Variants in USP36 observed in about 807,000 individuals in gnomAD.
USP36 encodes ubiquitin specific peptidase 36, also known as ubiquitin carboxyl-terminal hydrolase 36.
In USP36, 59 loss-of-function variants were observed where a neutral mutation model predicts 111.5. The observed-to-expected ratio is 0.53, with a 90% CI of 0.43 to 0.66. The LOEUF is 0.66. USP36 is among the 30% of genes least tolerant of loss of function. The pLI is 0.00. For synonymous variants in USP36, 628 were observed against 581.0 expected (o/e 1.08, Z -1.16); for missense variants, 1,488 against 1,468.0 (o/e 1.01, Z -0.22).
intron 17 of USP36, among the ~76,000 whole-genome samples, chr17:78,800,433 C>T (rs973601507): frequency 4.6e-5 from 7 of 152,238 alleles, no homozygotes; most frequent in East Asian, 1.9e-4. Flanking sequence ...CCACCCTCAT[C>T]GGGTTCTAGA....
At chr17:78,811,130 CAAAAAAA>C (rs969048033) in intron 13 of USP36, among the ~76,000 whole-genome samples, 5 of 28,350 alleles carry the variant, frequency 1.8e-4, no homozygotes, top group Non-Finnish European at 3.7e-4. Context: ...GACTCTGTCT[CAAAAAAA>C]AAAAAAAAAA....
chr17:78,814,505 C>T lies in USP36; in HGVS notation c.1071G>A (p.Gln357=). The T allele has an allele frequency of 6.2e-7, 1 of 1,614,178 alleles. No homozygotes were observed. Among genetic ancestry groups the T allele is most frequent in the Non-Finnish European group, 8.5e-7 (1 of 1,180,012 alleles). The change falls in exon 11 of 21, where the codon CAG becomes CAA. Residue 357 remains glutamine (Q), a synonymous_variant. Coordinates refer to ENST00000449938, the MANE Select transcript of USP36 (RefSeq NM_001385174.1). ...EFLNIRPYMS[Q]NNGDPVMYGL... ...CATACATGACAGGATCACCATTATT[C>T]TGGGACATATACGGACGTATGTTGA...
downstream of USP36, among the ~76,000 whole-genome samples, chr17:78,794,396 C>T (rs774713424): frequency 6.6e-6 from 1 of 152,172 alleles, no homozygotes; most frequent in African/African-American, 2.4e-5. Flanking sequence ...GTCCTGCTGG[C>T]CAGCTCCCAC....
chr17:78,839,311 C>A (rs2145702264), intron 1 of USP36, among the ~76,000 whole-genome samples: 1 of 152,192 alleles, frequency 6.6e-6, no homozygotes, highest in East Asian at 1.9e-4. Context: ...TACATCTGAC[C>A]CATCCTGAGT....
intron 6 of USP36, among the ~76,000 whole-genome samples, chr17:78,824,363 C>T (rs910174954): frequency 9.2e-5 from 14 of 152,092 alleles, no homozygotes; most frequent in African/African-American, 3.4e-4. Flanking sequence ...CAGTGAGGAG[C>T]GAGGAAAACA....
At chr17:78,818,964 C>T in intron 9 of USP36, 186 bp from the exon 10 acceptor site, 1 of 558,092 alleles carries the variant, frequency 1.8e-6, no homozygotes. Context: ...AAAGCTACCA[C>T]AGGGAAATAA....
chr17:78,799,665 A>T lies in USP36; in HGVS notation c.3124+2T>A, dbSNP rs779822963. The T allele has an allele frequency of 5.6e-6, 9 of 1,611,374 alleles. No individual in the cohort carries two copies. The highest frequency in any genetic ancestry group is 7.6e-6 in the Non-Finnish European group (9 of 1,179,044). ...ACAGAAGTCCTGTCTCCAAATCAGT[A>T]CCTTTTCTCCCGTAAGCTTTATCAG... On this transcript the variant is annotated splice_donor_variant, in intron 18 of 20. Transcript: ENST00000449938. LOFTEE classifies it high-confidence loss of function.
At chr17:78,835,689 G>A (rs1485405815) in intron 3 of USP36, among the ~76,000 whole-genome samples, 188 bp from the exon 4 acceptor site, 2 of 152,122 alleles carry the variant, frequency 1.3e-5, no homozygotes, top group Non-Finnish European at 2.9e-5. Context: ...GCCATCCCAC[G>A]GACCTCCTAG....
chr17:78,810,435 G>A (rs899262651), intron 13 of USP36, among the ~76,000 whole-genome samples: 2 of 152,090 alleles, frequency 1.3e-5, no homozygotes, highest in African/African-American at 2.4e-5. Context: ...ATACAGGCAC[G>A]TGCCATTAAA....
At chr17:78,836,472 C>G in intron 2 of USP36, 100 bp from the exon 3 acceptor site, 1 of 1,448,588 alleles carries the variant, frequency 6.9e-7, no homozygotes, top group South Asian at 1.4e-5. Flanking sequence ...TGCTAGCCAC[C>G]ACAAAAGCTC....
chr17:78,792,837 G>C (rs1001473181), downstream of USP36, among the ~76,000 whole-genome samples: 3 of 152,112 alleles, frequency 2.0e-5, no homozygotes, highest in African/African-American at 7.2e-5. Context: ...TCCTGCCTCA[G>C]CCTCCCAAGT....
intron 13 of USP36, among the ~76,000 whole-genome samples, chr17:78,808,011 A>G (rs565919883): frequency 6.8e-4 from 103 of 152,312 alleles, no homozygotes; most frequent in African/African-American, 2.4e-3. Context: ...GCCTGAATAC[A>G]TATCTTTATG....
rs200912475 is a variant in USP36, at chr17:78,815,828, CATAT to C, written c.1024-1280_1024-1277del. ...CATACATCGTATACACACATGCACACATATATACATACACACACACATATGCATG... is the reference window on the plus strand; with the variant it reads ...CATACATCGTATACACACATGCACACATACATACACACACACATATGCATG... On this transcript the variant is annotated intron_variant, in intron 10 of 20. Coordinates refer to ENST00000449938, the MANE Select transcript of USP36 (RefSeq NM_001385174.1). Among the ~76,000 whole-genome samples the C allele has an allele frequency of 7.5e-5, 11 of 147,632 alleles. 1 individual carries two copies. The East Asian group carries it at 1.4e-3, about 19-fold the overall frequency.
chr17:78,808,091 A>G (rs1264380955), intron 13 of USP36, among the ~76,000 whole-genome samples: 1 of 152,222 alleles, frequency 6.6e-6, no homozygotes, highest in Non-Finnish European at 1.5e-5. Context: ...AAAGGAAGAA[A>G]TTTAGCAAAG....
At chr17:78,822,798 TG>T (rs2094361424) in intron 6 of USP36, among the ~76,000 whole-genome samples, 1 of 152,210 alleles carries the variant, frequency 6.6e-6, no homozygotes, top group South Asian at 2.1e-4. Flanking sequence ...CTCACTGCTC[TG>T]GAACTGCCTT....
chr17:78,827,399 G>A, intron 5 of USP36, 52 bp from the exon 6 acceptor site: 1 of 1,539,498 alleles, frequency 6.5e-7, no homozygotes, highest in East Asian at 2.3e-5. Context: ...TCATCAAACG[G>A]CCTGCGGCTG....
In USP36 at chr17:78,811,087, C is replaced by T. The variant is rs928628642; in HGVS notation, c.1407+1773G>A. ...CAGAGGCTGCAGTGAGCTGAGATGG[C>T]GCCACTGCACTCCAGCCTCAGTGAC... On this transcript the variant is annotated intron_variant, in intron 13 of 20. Transcript: ENST00000449938. Among the ~76,000 whole-genome samples, 4 of 144,840 alleles carry T rather than the reference C, an allele frequency of 2.8e-5. No individual in the cohort carries two copies. The East Asian group carries it at 8.4e-4, about 30-fold the overall frequency.
Position 78,835,473 on chromosome 17 carries a change from A to C in USP36, c.282T>G (p.Gly94=). The C allele has an allele frequency of 6.2e-7, 1 of 1,609,390 alleles. No individual in the cohort carries two copies. The highest frequency in any genetic ancestry group is 8.5e-7 in the Non-Finnish European group (1 of 1,177,650). The change falls in exon 4 of 21, where the codon GGT becomes GGG. Residue 94 remains glycine, a synonymous_variant. Coordinates refer to ENST00000449938, the MANE Select transcript of USP36 (RefSeq NM_001385174.1). The part of the protein sequence containing the change: ...QGSEHTYESC[G]DGVPAPQKVL... ...CTTTCTGCGGGGCTGGGACTCCGTC[A>C]CCACAGCTCTCATACGTGTGCTCAC...
rs2068542948 is a variant in USP36, at chr17:78,835,163, C to T, written c.475+117G>A. 17 of 1,057,852 alleles carry T rather than the reference C, an allele frequency of 1.6e-5. No homozygotes were observed. The South Asian group carries it at 2.2e-4, about 13-fold the overall frequency. The allele number at this position is 1,057,852 out of a possible 1,614,324, so 65.5% of individuals were successfully genotyped here. On this transcript the variant is annotated intron_variant, in intron 4 of 20. Coordinates refer to ENST00000449938, the MANE Select transcript of USP36 (RefSeq NM_001385174.1). ...AATTTAGGTTTCATCAGTTACTATACATTATGAACTACCCTCCTAAATTTG... is the reference window on the plus strand; with the variant it reads ...AATTTAGGTTTCATCAGTTACTATATATTATGAACTACCCTCCTAAATTTG...
Sources: allele counts gnomAD v4.1 joint callset (sites outside exome capture counted in the v4.1 genomes callset), GRCh38; gene constraint gnomAD v4.1.1; transcripts MANE v1.5; gene names NCBI Gene and HGNC (gene_info 2026-07-23, HGNC 2026-07-21).